IGSF11: variants seen among roughly 807,000 people sequenced by gnomAD.
The protein encoded by IGSF11 is immunoglobulin superfamily member 11.
In IGSF11, 22 loss-of-function variants were observed where a neutral mutation model predicts 41.0. The observed-to-expected ratio is 0.54, with a 90% CI of 0.38 to 0.77. The LOEUF (loss-of-function observed/expected upper bound fraction) is 0.77. Among genes scored for constraint, IGSF11 ranks in the 30% least tolerant of loss-of-function variants. The probability of loss-of-function intolerance (pLI) is 0.00; values close to 1 mark genes in which losing one functional copy is unlikely to be tolerated. For missense variants in IGSF11, 444 were observed against 530.8 expected (o/e 0.84, Z 1.61); for synonymous variants, 219 against 201.3 (o/e 1.09, Z -0.74).
At chr3:119,046,671 C>A (rs1941368196) in intron 1 of IGSF11, among the ~76,000 whole-genome samples, 1 of 151,908 alleles carries the variant, frequency 6.6e-6, no homozygotes, top group Admixed American at 6.6e-5. Flanking sequence ...TCGAGAAGAG[C>A]AACTCCAAGA....
At chr3:118,999,218 G>T (rs1026898717) in intron 1 of IGSF11, among the ~76,000 whole-genome samples, 1 of 151,888 alleles carries the variant, frequency 6.6e-6, no homozygotes, top group Non-Finnish European at 1.5e-5. Flanking sequence ...TTTGAAATTT[G>T]AGCCATATAA....
At chr3:119,047,434 A>C (rs368562269) in intron 1 of IGSF11, among the ~76,000 whole-genome samples, 26 of 152,254 alleles carry the variant, frequency 1.7e-4, no homozygotes, top group East Asian at 5.8e-4. Flanking sequence ...ATCAATTCAA[A>C]AAGAAGAGCT....
chr3:119,098,781 T>A (rs1246292801), intron 1 of IGSF11, among the ~76,000 whole-genome samples: 1 of 152,250 alleles, frequency 6.6e-6, no homozygotes, highest in Non-Finnish European at 1.5e-5. Context: ...TTTTTAGCTG[T>A]TGCCTGAGTC....
chr3:119,138,372 G>A (rs1413371029), intron 1 of IGSF11, among the ~76,000 whole-genome samples: 2 of 152,106 alleles, frequency 1.3e-5, no homozygotes, highest in Non-Finnish European at 2.9e-5. Flanking sequence ...TATATACAAT[G>A]GAGTACCACT....
chr3:119,035,462 C>T (rs1191756661), upstream of IGSF11, among the ~76,000 whole-genome samples: 4 of 152,206 alleles, frequency 2.6e-5, no homozygotes, highest in African/African-American at 4.8e-5. Flanking sequence ...AGAGAGACTG[C>T]CATCTTCTCT....
chr3:118,972,210 TA>T (rs1041789457), intron 1 of IGSF11, among the ~76,000 whole-genome samples: 32 of 152,332 alleles, frequency 2.1e-4, no homozygotes, highest in African/African-American at 6.7e-4. Flanking sequence ...TGGCGAGAAC[TA>T]AATGGCTAAT....
At chr3:119,028,279 T>C (rs76936809) in intron 1 of IGSF11, among the ~76,000 whole-genome samples, 369 of 152,214 alleles carry the variant, frequency 2.4e-3, no homozygotes, top group African/African-American at 8.6e-3. Context: ...GAGAAGGGAA[T>C]AGGAGAAGCA....
intron 1 of IGSF11, among the ~76,000 whole-genome samples, chr3:118,932,634 T>C (rs921861090): frequency 5.3e-5 from 8 of 152,194 alleles, no homozygotes; most frequent in Non-Finnish European, 8.8e-5. Flanking sequence ...TACTTGATCA[T>C]GGAGCAGGCA....
intron 1 of IGSF11, among the ~76,000 whole-genome samples, chr3:119,046,914 A>T (rs973986603): frequency 8.8e-5 from 13 of 147,150 alleles, no homozygotes; most frequent in African/African-American, 3.2e-4. Context: ...TAAGTGAAGG[A>T]GAAATAAAAT....
chr3:119,011,916 A>G (rs989572100), intron 1 of IGSF11, among the ~76,000 whole-genome samples: 3 of 152,126 alleles, frequency 2.0e-5, no homozygotes, highest in African/African-American at 7.2e-5. Context: ...CTCAAAGAAA[A>G]AGACAATCAA....
At chr3:119,063,575 A>G (rs1481026130) in intron 1 of IGSF11, among the ~76,000 whole-genome samples, 1 of 152,222 alleles carries the variant, frequency 6.6e-6, no homozygotes, top group African/African-American at 2.4e-5. Context: ...TTTTAGTCCC[A>G]TGCAAAAATA....
At chr3:118,909,446 A>G (rs1940008412) in intron 4 of IGSF11, among the ~76,000 whole-genome samples, 1 of 152,188 alleles carries the variant, frequency 6.6e-6, no homozygotes, top group South Asian at 2.1e-4. Flanking sequence ...GAAATACAAA[A>G]TAAATGTCAA....
intron 4 of IGSF11, among the ~76,000 whole-genome samples, chr3:118,906,390 C>T (rs1412629445): frequency 6.6e-6 from 1 of 152,096 alleles, no homozygotes; most frequent in East Asian, 1.9e-4. Flanking sequence ...GGCTGCAACA[C>T]AGTTTTATGG....
chr3:118,960,317 T>C (rs1481258456), intron 1 of IGSF11, among the ~76,000 whole-genome samples: 4 of 152,174 alleles, frequency 2.6e-5, no homozygotes, highest in Admixed American at 6.5e-5. Flanking sequence ...AAAAATAACC[T>C]AGATGTCCAG....
At chr3:118,939,377 A>C (rs1226622459) in intron 1 of IGSF11, among the ~76,000 whole-genome samples, 1 of 152,100 alleles carries the variant, frequency 6.6e-6, no homozygotes, top group Non-Finnish European at 1.5e-5. Flanking sequence ...GGAGTTCAAG[A>C]CCAGCCTGGC....
chr3:118,905,439 T>C (rs914364852), intron 5 of IGSF11, among the ~76,000 whole-genome samples, 157 bp downstream of exon 5: 1 of 152,186 alleles, frequency 6.6e-6, no homozygotes, highest in Non-Finnish European at 1.5e-5. Context: ...TACTAAAACA[T>C]TTATAAACAA....
chr3:118,993,412 G>A (rs1319826703), intron 1 of IGSF11, among the ~76,000 whole-genome samples: 11 of 152,204 alleles, frequency 7.2e-5, no homozygotes, highest in Admixed American at 3.3e-4. Flanking sequence ...CAATTCTGTG[G>A]AGAATGTAAA....
At chr3:118,973,696 T>C (rs552316509) in intron 1 of IGSF11, among the ~76,000 whole-genome samples, 1 of 152,252 alleles carries the variant, frequency 6.6e-6, no homozygotes, top group South Asian at 2.1e-4. Flanking sequence ...ATTAAGATGG[T>C]GAGGTACTGA....
chr3:119,049,014 A>T (rs1941497429), intron 1 of IGSF11, among the ~76,000 whole-genome samples: 1 of 151,716 alleles, frequency 6.6e-6, no homozygotes, highest in Non-Finnish European at 1.5e-5. Flanking sequence ...AATAAGAGCT[A>T]TCTATGACAA....
Sources: allele counts gnomAD v4.1 joint callset (sites outside exome capture counted in the v4.1 genomes callset), GRCh38; gene constraint gnomAD v4.1.1; transcripts MANE v1.5; gene names NCBI Gene and HGNC (gene_info 2026-07-23, HGNC 2026-07-21).